The following IFT140 variants were observed in gnomAD, a reference collection of about 807,000 sequenced individuals.
The protein encoded by IFT140 is intraflagellar transport protein 140 homolog.
IFT140 carries 133 observed loss-of-function variants against 164.6 expected under a neutral mutation model. The ratio of observed to expected loss-of-function variants is 0.81; its 90% CI spans 0.70 to 0.93. The LOEUF (loss-of-function observed/expected upper bound fraction) is 0.93. IFT140 is among the 40% of genes least tolerant of loss of function. The pLI, the probability that IFT140 is intolerant of heterozygous loss-of-function variation, is 0.00. For missense variants in IFT140, 2,045 were observed against 1,972.3 expected (o/e 1.04, Z -0.70); for synonymous variants, 860 against 817.3 (o/e 1.05, Z -0.89).
chr16:1,606,977 C>T (rs1041829888), intron 3 of IFT140, 143 bp downstream of exon 3: 12 of 797,552 alleles, frequency 1.5e-5, no homozygotes, highest in Non-Finnish European at 2.3e-5. Flanking sequence ...CACCAATACA[C>T]ATACACGCAC....
intron 17 of IFT140, among the ~76,000 whole-genome samples, chr16:1,563,771 A>G (rs1359087964): frequency 6.6e-6 from 1 of 152,106 alleles, no homozygotes; most frequent in Non-Finnish European, 1.5e-5. Flanking sequence ...CATGCTAGGA[A>G]GATTTTTTTT....
chr16:1,607,356 CTG>C, intron 2 of IFT140, 59 bp from the exon 3 acceptor site: 1 of 1,383,712 alleles, frequency 7.2e-7, no homozygotes, highest in Non-Finnish European at 9.9e-7. Flanking sequence ...AACAATATGA[CTG>C]TACATGGAAT....
intron 14 of IFT140, among the ~76,000 whole-genome samples, chr16:1,569,250 C>T (rs1049365607): frequency 4.6e-5 from 7 of 152,096 alleles, no homozygotes; most frequent in East Asian, 3.9e-4. Flanking sequence ...CCTCGTGATC[C>T]GCCCGCCTCA....
At chr16:1,528,309 A>ACACACGCACGCATGCACGCACGTGTG (rs1407811139) in intron 19 of IFT140, among the ~76,000 whole-genome samples, 5 of 134,168 alleles carry the variant, frequency 3.7e-5, no homozygotes, top group African/African-American at 9.1e-5. Flanking sequence ...AAAGCCACAC[A>ACACACGCACGCATGCACGCACGTGTG]CACACGCACG....
At chr16:1,538,031 C>T (rs2031250414) in intron 19 of IFT140, among the ~76,000 whole-genome samples, 1 of 152,226 alleles carries the variant, frequency 6.6e-6, no homozygotes, top group Non-Finnish European at 1.5e-5. Context: ...CCACGCAGAG[C>T]CACGCAGAGC....
At chr16:1,537,677 T>A (rs1351042328) in intron 19 of IFT140, among the ~76,000 whole-genome samples, 2 of 152,222 alleles carry the variant, frequency 1.3e-5, no homozygotes, top group Non-Finnish European at 2.9e-5. Flanking sequence ...TTTCTCCTCC[T>A]CACTTCGTCT....
intron 19 of IFT140, 180 bp downstream of exon 19, chr16:1,557,755 C>T (rs2033178762): frequency 4.7e-6 from 3 of 640,052 alleles, no homozygotes; most frequent in East Asian, 2.7e-5. Context: ...CTGAGAGCTT[C>T]CCACGTGGCA....
At chr16:1,607,363 T>C in intron 2 of IFT140, 66 bp from the exon 3 acceptor site, 2 of 1,353,824 alleles carry the variant, frequency 1.5e-6, no homozygotes, top group Non-Finnish European at 1.0e-6. Flanking sequence ...TGACTGTACA[T>C]GGAATGACGA....
chr16:1,571,596 T>C, intron 13 of IFT140, 62 bp from the exon 14 acceptor site: 2 of 1,524,504 alleles, frequency 1.3e-6, no homozygotes, highest in Non-Finnish European at 1.8e-6. Context: ...TGTTCACAGA[T>C]AACCTTGTAC....
intron 22 of IFT140, 57 bp from the exon 23 acceptor site, chr16:1,524,973 G>T: frequency 1.3e-6 from 2 of 1,566,514 alleles, no homozygotes; most frequent in South Asian, 1.1e-5. Context: ...AACCCGGGAC[G>T]GCCCCCACCC....
At chr16:1,608,167 ATCTC>A (rs1293977441) in intron 2 of IFT140, among the ~76,000 whole-genome samples, 5 of 152,166 alleles carry the variant, frequency 3.3e-5, no homozygotes, top group African/African-American at 1.2e-4. Context: ...CGTGAACTTA[ATCTC>A]TCTCTTTCAT....
At chr16:1,545,852 C>T (rs961888414) in intron 19 of IFT140, among the ~76,000 whole-genome samples, 5 of 152,218 alleles carry the variant, frequency 3.3e-5, no homozygotes, top group East Asian at 1.9e-4. Flanking sequence ...ATGCTCAGCA[C>T]GACGTCTGGG....
At chr16:1,550,552 C>T (rs996023351) in intron 19 of IFT140, among the ~76,000 whole-genome samples, 3 of 152,240 alleles carry the variant, frequency 2.0e-5, no homozygotes, top group Non-Finnish European at 2.9e-5. Context: ...AGGTGGGCCT[C>T]GAGGGACCCA....
intron 19 of IFT140, among the ~76,000 whole-genome samples, chr16:1,547,082 G>A (rs1374202003): frequency 6.6e-6 from 1 of 152,224 alleles, no homozygotes; most frequent in Non-Finnish European, 1.5e-5. Flanking sequence ...AGGTGGGCAT[G>A]ATGCCGAAGG....
At chr16:1,562,145 T>G (rs79682362) in intron 17 of IFT140, 29 bp from the exon 18 acceptor site, 2 of 871,454 alleles carry the variant, frequency 2.3e-6, no homozygotes, top group Non-Finnish European at 1.5e-6. Flanking sequence ...TACTGTTCTG[T>G]TTTTTTTTTT....
intron 4 of IFT140, among the ~76,000 whole-genome samples, chr16:1,596,018 T>A (rs1019174914): frequency 6.6e-6 from 1 of 152,180 alleles, no homozygotes; most frequent in Non-Finnish European, 1.5e-5. Context: ...ATCCCGCCAC[T>A]GCACTCCAGC....
chr16:1,577,282 C>A (rs948604085), intron 13 of IFT140: 1 of 152,148 alleles, frequency 6.6e-6, no homozygotes, highest in Admixed American at 6.5e-5. Context: ...CTTAGGGTAT[C>A]GATAAACACA....
intron 30 of IFT140, among the ~76,000 whole-genome samples, chr16:1,513,827 C>A (rs1383463072): frequency 1.3e-5 from 2 of 149,384 alleles, no homozygotes; most frequent in African/African-American, 2.5e-5. Context: ...GCGCCCACCA[C>A]CACACCCGGC....
At chr16:1,586,627 G>GCACACA (rs10572789) in intron 9 of IFT140, among the ~76,000 whole-genome samples, 57 of 150,066 alleles carry the variant, frequency 3.8e-4, no homozygotes, top group African/African-American at 1.3e-3. Context: ...ACACATGCAT[G>GCACACA]CACACACACA....
Sources: gnomAD v4.1 joint callset for allele counts (sites outside exome capture counted in the v4.1 genomes callset) on GRCh38, gnomAD v4.1.1 for gene constraint, MANE v1.5 for transcripts, NCBI Gene and HGNC (gene_info 2026-07-23, HGNC 2026-07-21) for gene names.